The following TMEM232 variants were observed in gnomAD, a reference collection of about 807,000 sequenced individuals.
TMEM232 encodes transmembrane protein 232.
In TMEM232, 80 loss-of-function variants were observed where a neutral mutation model predicts 78.8. The observed-to-expected ratio is 1.01, with a 90% confidence interval of 0.85 to 1.22. TMEM232 has a LOEUF of 1.22. Among genes scored for constraint, TMEM232 ranks in the 50% most tolerant of loss-of-function variants. TMEM232 has a pLI of 0.00. For missense variants in TMEM232, 881 were observed against 742.2 expected (o/e 1.19, Z -2.17); for synonymous variants, 297 against 254.3 (o/e 1.17, Z -1.60).
chr5:110,625,545 C>A (rs1784320853), intron 6 of TMEM232, 112 bp from the exon 7 acceptor site: 2 of 958,448 alleles, frequency 2.1e-6, no homozygotes, highest in African/African-American at 1.7e-5. Context: ...GATGCAGAAA[C>A]TGCTAGTTTC....
chr5:110,453,646 T>C (rs140240170), intron 12 of TMEM232, among the ~76,000 whole-genome samples: 16 of 152,314 alleles, frequency 1.1e-4, no homozygotes, highest in African/African-American at 3.8e-4. Context: ...TATCAGCAGA[T>C]GTATTTTAGT....
Position 110,635,573 on chromosome 5 carries a change from A to T in TMEM232, c.501+2625T>A, listed in dbSNP as rs989194216. The stretch of plus-strand genomic sequence containing the variant: ...ATGATAAATCACAACAGAATGAAGA[A>T]CAAAAACCGTATGATCATCTCAGAT... On this transcript the variant is annotated intron_variant, in intron 5 of 13. Transcript: ENST00000455884. Among the ~76,000 whole-genome samples the T allele has an allele frequency of 3.3e-5, 5 of 152,226 alleles. No individual in the cohort carries two copies. The South Asian group carries it at 1.0e-3, about 32-fold the overall frequency.
At chr5:110,621,660 C>T (rs1783766176) in intron 7 of TMEM232, among the ~76,000 whole-genome samples, 1 of 152,026 alleles carries the variant, frequency 6.6e-6, no homozygotes, top group Admixed American at 6.6e-5. Flanking sequence ...AAATGACACC[C>T]AGAGAACTTT....
At chr5:110,503,073 G>A (rs1406465948) in intron 12 of TMEM232, among the ~76,000 whole-genome samples, 1 of 152,026 alleles carries the variant, frequency 6.6e-6, no homozygotes, top group Non-Finnish European at 1.5e-5. Flanking sequence ...AGTTAGCATG[G>A]TGCCTAGCCT....
intron 12 of TMEM232, among the ~76,000 whole-genome samples, chr5:110,444,480 C>T (rs963948625): frequency 7.9e-5 from 12 of 152,152 alleles, no homozygotes; most frequent in Non-Finnish European, 1.6e-4. Context: ...GACTGTCTCT[C>T]CTGCCTTCTT....
At chr5:110,498,139 C>T (rs1479795355) in intron 12 of TMEM232, among the ~76,000 whole-genome samples, 1 of 151,956 alleles carries the variant, frequency 6.6e-6, no homozygotes, top group Non-Finnish European at 1.5e-5. Flanking sequence ...TAAAGTATCC[C>T]AAATCTGGAA....
At chr5:110,737,541 A>G (rs528790990) in intron 1 of TMEM232, among the ~76,000 whole-genome samples, 3 of 152,326 alleles carry the variant, frequency 2.0e-5, no homozygotes, top group African/African-American at 7.2e-5. Context: ...TGGAAAGACA[A>G]TGTGCATTTT....
At chr5:110,638,111 T>C in intron 5 of TMEM232, 87 bp downstream of exon 5, 1 of 1,029,420 alleles carries the variant, frequency 9.7e-7, no homozygotes, top group Non-Finnish European at 1.4e-6. Flanking sequence ...AAACTAAATG[T>C]TCTGTTTTGA....
intron 11 of TMEM232, among the ~76,000 whole-genome samples, chr5:110,545,087 A>G (rs1468357093): frequency 6.6e-6 from 1 of 152,156 alleles, no homozygotes. Flanking sequence ...GATTAAACAA[A>G]AAGCATATAT....
chr5:110,487,443 G>C (rs1353926614), intron 12 of TMEM232, among the ~76,000 whole-genome samples: 1 of 152,028 alleles, frequency 6.6e-6, no homozygotes, highest in Non-Finnish European at 1.5e-5. Flanking sequence ...GTTGGATGTG[G>C]GTTTGTCATA....
intron 1 of TMEM232, among the ~76,000 whole-genome samples, chr5:110,712,228 C>A (rs1016069453): frequency 3.3e-5 from 5 of 151,398 alleles, no homozygotes; most frequent in Admixed American, 2.0e-4. Flanking sequence ...ACACAGGCAA[C>A]CAAAGCAAAA....
At chr5:110,617,256 G>C (rs1259733412) in intron 8 of TMEM232, among the ~76,000 whole-genome samples, 2 of 152,184 alleles carry the variant, frequency 1.3e-5, no homozygotes, top group South Asian at 4.1e-4. Context: ...AATGGTATAA[G>C]GCTTGGGATG....
chr5:110,649,716 T>C (rs958668350), intron 2 of TMEM232, among the ~76,000 whole-genome samples: 2 of 152,160 alleles, frequency 1.3e-5, no homozygotes, highest in African/African-American at 4.8e-5. Flanking sequence ...TTTTCGAGTA[T>C]GAAGGGCCTT....
In TMEM232 at chr5:110,691,350, C is replaced by T. The variant is rs1794098888; in HGVS notation, c.-12-23986G>A. ...TTAAATATTTCAAATCTCCTTTATTCACCATAGGAAGCCCTTTGTCTTTGA... is the reference window on the plus strand; with the variant it reads ...TTAAATATTTCAAATCTCCTTTATTTACCATAGGAAGCCCTTTGTCTTTGA... On this transcript the variant is annotated intron_variant, in intron 1 of 13. Coordinates refer to ENST00000455884, the MANE Select transcript of TMEM232 (RefSeq NM_001039763.4). 3.3e-5 allele frequency among the ~76,000 whole-genome samples: 5 copies of T among 152,158 alleles called. No individual in the cohort carries two copies. In the South Asian group the frequency reaches 1.0e-3, roughly 32 times the overall value.
chr5:110,699,399 A>G (rs1795184508), intron 1 of TMEM232, among the ~76,000 whole-genome samples: 3 of 152,116 alleles, frequency 2.0e-5, no homozygotes, highest in Non-Finnish European at 4.4e-5. Context: ...ACTAAAAATT[A>G]TAATGCTTCT....
At position 110,606,569 on chromosome 5, in the gene TMEM232, A is replaced by C. The variant is rs368103464; in HGVS notation, c.903-282T>G. ...TCTTCATAGATCCTGAACAACAAGCAATCAGGGGCTCTGGTTCTAGAGTAC... is the reference window on the plus strand; with the variant it reads ...TCTTCATAGATCCTGAACAACAAGCCATCAGGGGCTCTGGTTCTAGAGTAC... On this transcript the variant is annotated intron_variant, in intron 8 of 13. Transcript: ENST00000455884. Among the ~76,000 whole-genome samples the C allele has an allele frequency of 3.9e-4, 59 of 152,136 alleles. 2 individuals are homozygous for C. In the South Asian group the frequency reaches 9.3e-3, roughly 24 times the overall value.
At chr5:110,727,023 C>T (rs1798219185), upstream of TMEM232, among the ~76,000 whole-genome samples, 1 of 152,118 alleles carries the variant, frequency 6.6e-6, no homozygotes, top group Admixed American at 6.6e-5. Context: ...AATTAAATTG[C>T]CGTTCGTAAG....
intron 2 of TMEM232, among the ~76,000 whole-genome samples, chr5:110,663,920 T>C (rs189819503): frequency 5.5e-4 from 84 of 152,216 alleles, no homozygotes; most frequent in African/African-American, 1.9e-3. Flanking sequence ...GAGAAGACCA[T>C]TTGAGGTCGA....
intron 11 of TMEM232, among the ~76,000 whole-genome samples, chr5:110,553,975 G>A (rs576204191): frequency 6.6e-6 from 1 of 152,122 alleles, no homozygotes; most frequent in Non-Finnish European, 1.5e-5. Flanking sequence ...ATGATAATGT[G>A]GTTTTTGTTT....
Sources: allele counts gnomAD v4.1 joint callset (sites outside exome capture counted in the v4.1 genomes callset), GRCh38; gene constraint gnomAD v4.1.1; transcripts MANE v1.5; gene names NCBI Gene and HGNC (gene_info 2026-07-23, HGNC 2026-07-21).